The following CLDND1 variants were observed in gnomAD, a reference collection of about 807,000 sequenced individuals.
CLDND1 encodes the protein claudin domain containing 1.
A neutral mutation model predicts 26.3 loss-of-function variants in CLDND1; 13 were observed. The observed-to-expected ratio is 0.49, with a 90% CI of 0.32 to 0.78. CLDND1 has a LOEUF of 0.78. CLDND1 is among the 30% of genes least tolerant of loss of function. CLDND1 has a pLI of 0.03. For synonymous variants in CLDND1, 107 were observed against 107.0 expected (o/e 1.00, Z 0.00); for missense variants, 289 against 312.8 (o/e 0.92, Z 0.57).
Position 98,522,848 on chromosome 3 carries a change from C to A in CLDND1, c.-19+1G>T. ...CGGCGACGCAGGTCCCGCTCACTCA[C>A]CGCCCATCCTCCTGCTCCGCCAGCT... On this transcript the variant is annotated splice_donor_variant, in intron 1 of 4. Transcript: ENST00000341181. LOFTEE classifies it low-confidence loss of function (5UTR_SPLICE). The A allele has an allele frequency of 6.2e-7, 1 of 1,613,834 alleles. No individual in the cohort carries two copies. The highest frequency in any genetic ancestry group is 8.5e-7 in the Non-Finnish European group (1 of 1,179,758).
Position 98,516,011 on chromosome 3 carries a change from A to G in CLDND1, c.*648T>C. 1 of 1,163,782 alleles carries G rather than the reference A, an allele frequency of 8.6e-7. No homozygotes were observed. Among genetic ancestry groups the G allele is most frequent in the East Asian group, 6.0e-5 (1 of 16,736 alleles). The allele number at this position is 1,163,782 out of a possible 1,614,324, so 72.1% of individuals were successfully genotyped here. A position where few individuals can be genotyped will look rare whatever the true frequency, so the allele number is the denominator to read the frequency against. On this transcript the variant is annotated 3_prime_UTR_variant, in exon 5 of 5. Transcript: ENST00000341181. Reference sequence around the variant, plus strand: ...AATAATACTAATCCTCGCCCGGCTGAACTGGAATTCTTGCAGTTACAAAGT... The same window carrying G: ...AATAATACTAATCCTCGCCCGGCTGGACTGGAATTCTTGCAGTTACAAAGT...
At chr3:98,522,662 G>C (rs996111875) in intron 1 of CLDND1, 187 bp downstream of exon 1, 14 of 1,421,862 alleles carry the variant, frequency 9.8e-6, no homozygotes, top group South Asian at 9.1e-5. Flanking sequence ...AGCCGTGCTC[G>C]GCCCCGGGCC....
chr3:98,518,223 A>C (rs1440022922), intron 3 of CLDND1, among the ~76,000 whole-genome samples: 1 of 152,174 alleles, frequency 6.6e-6, no homozygotes, highest in African/African-American at 2.4e-5. Flanking sequence ...AAACTCTCCT[A>C]GTAATAAACT....
chr3:98,517,607 T>A (rs939889443), intron 3 of CLDND1, among the ~76,000 whole-genome samples: 1 of 152,214 alleles, frequency 6.6e-6, no homozygotes, highest in Non-Finnish European at 1.5e-5. Context: ...TACATAGCAT[T>A]TATATTGTAT....
rs1198254373 is a variant in CLDND1, at chr3:98,516,691, A to T, written c.730T>A (p.Tyr244Asn). ...ACACGATATGCCTTCATTAAGGTGT[A>T]CTCTTTCCGGTTGGTGTGAGCAGCC... ...IWAAHTNRKE[Y>N]TLMKAYRVA Residue 244 changes from tyrosine (Y) to asparagine (N), a missense_variant, in exon 5 of 5, where the codon TAC (tyrosine) becomes AAC (asparagine). By Grantham distance (143) the Tyr-to-Asn change is moderately radical. Coordinates refer to ENST00000341181, the MANE Select transcript of CLDND1 (RefSeq NM_001040181.2). The T allele has an allele frequency of 6.2e-7, 1 of 1,614,160 alleles. No homozygotes were observed.
intron 2 of CLDND1, among the ~76,000 whole-genome samples, chr3:98,520,442 CATAA>C (rs1706357845): frequency 6.6e-6 from 1 of 152,152 alleles, no homozygotes; most frequent in African/African-American, 2.4e-5. Context: ...CAGAAGTAGT[CATAA>C]ATAAACTGTA....
rs775948042 is a variant in CLDND1, at chr3:98,521,726, G to T, written c.-18-284C>A. The stretch of plus-strand genomic sequence containing the variant: ...ATACTAAAACAGACAACACTGAAAT[G>T]GACATACACATTACAGATACAAACA... On this transcript the variant is annotated intron_variant, in intron 1 of 4. Transcript: ENST00000341181. 5 of 1,601,688 alleles carry T rather than the reference G, an allele frequency of 3.1e-6. No homozygotes were observed. The East Asian group carries it at 8.9e-5, about 29-fold the overall frequency.
In CLDND1 at chr3:98,515,582, T is replaced by A; in HGVS notation, c.*1077A>T. ...TTTAATCTGTCAATTGCTACAGTAGTGGAATAAATAAATAAGTTTTTTAAA... is the reference window on the plus strand; with the variant it reads ...TTTAATCTGTCAATTGCTACAGTAGAGGAATAAATAAATAAGTTTTTTAAA... On this transcript the variant is annotated 3_prime_UTR_variant, in exon 5 of 5. Transcript: ENST00000341181. 2 of 1,018,534 alleles carry A rather than the reference T, an allele frequency of 2.0e-6. No homozygotes were observed. The highest frequency in any genetic ancestry group is 4.7e-5 in the South Asian group (2 of 42,174). 63.1% of individuals were successfully genotyped at this position (1,018,534 alleles called of 1,614,324 possible). A position where few individuals can be genotyped will look rare whatever the true frequency, so the allele number is the denominator to read the frequency against.
chr3:98,517,585 A>T (rs981325947), intron 3 of CLDND1, among the ~76,000 whole-genome samples: 2 of 152,256 alleles, frequency 1.3e-5, no homozygotes, highest in African/African-American at 4.8e-5. Flanking sequence ...AATATATAGT[A>T]TAACAACTAT....
In CLDND1 at chr3:98,516,039, A is replaced by G. The variant is rs1456159181; in HGVS notation, c.*620T>C. 1.7e-6 allele frequency: 2 copies of G among 1,164,414 alleles called. No homozygotes were observed. The highest frequency in any genetic ancestry group is 3.8e-5 in the Admixed American group (1 of 26,192). The allele number at this position is 1,164,414 out of a possible 1,614,324, so 72.1% of individuals were successfully genotyped here. On this transcript the variant is annotated 3_prime_UTR_variant, in exon 5 of 5. Transcript: ENST00000341181. ...TGGAATTCTTGCAGTTACAAAGTTAAAATTTCAAGTAAACACTGTATTTTT... is the reference window on the plus strand; with the variant it reads ...TGGAATTCTTGCAGTTACAAAGTTAGAATTTCAAGTAAACACTGTATTTTT...
chr3:98,517,027 A>T (rs1559653175), intron 4 of CLDND1, 25 bp downstream of exon 4: 7 of 1,613,016 alleles, frequency 4.3e-6, no homozygotes, highest in Non-Finnish European at 5.1e-6. Flanking sequence ...AGAAGCTAAA[A>T]GGTAAGTATG....
At chr3:98,522,325 G>T in intron 1 of CLDND1, 1 of 168,266 alleles carries the variant, frequency 5.9e-6, no homozygotes, top group Non-Finnish European at 1.2e-5. Context: ...AAGGCAGATC[G>T]CGCTGAGTCA....
chr3:98,517,367 A>G, intron 3 of CLDND1, 178 bp from the exon 4 acceptor site: 1 of 688,364 alleles, frequency 1.5e-6, no homozygotes, highest in Non-Finnish European at 2.4e-6. Flanking sequence ...TGTCCTGATA[A>G]AAGTAAAAGG....
chr3:98,520,961 G>A, intron 2 of CLDND1, 172 bp downstream of exon 2: 1 of 619,458 alleles, frequency 1.6e-6, no homozygotes, highest in Non-Finnish European at 2.8e-6. Flanking sequence ...GAGTACCATG[G>A]TAATGCAAAG....
intron 1 of CLDND1, 55 bp from the exon 2 acceptor site, chr3:98,521,497 G>T (rs1000514714): frequency 3.9e-6 from 6 of 1,547,986 alleles, no homozygotes; most frequent in East Asian, 4.5e-5. Context: ...AAATAAGAAA[G>T]ATTATTTTGA....
rs771325880 is a variant in CLDND1 at position 98,517,090 on chromosome 3, T to G, written c.503A>C (p.Tyr168Ser). 1.2e-6 allele frequency: 2 copies of G among 1,614,156 alleles called. No individual in the cohort carries two copies. The highest frequency in any genetic ancestry group is 1.7e-6 in the Non-Finnish European group (2 of 1,180,018). ...GLCACICRSL[Y>S]PTIATGILHL... ...GAGAATGCCCGTGGCAATGGTGGGA[T>G]ATAAGCTTCGGCAAATGCAAGCACA... The change falls in exon 4 of 5, where the codon TAT becomes TCT. Residue 168 changes from tyrosine (Y) to serine (S), a missense_variant. By Grantham distance (144) the Tyr-to-Ser change is moderately radical. Coordinates refer to ENST00000341181, the MANE Select transcript of CLDND1 (RefSeq NM_001040181.2).
At chr3:98,521,996 T>C (rs1706438540) in intron 1 of CLDND1, 1 of 380,402 alleles carries the variant, frequency 2.6e-6, no homozygotes, top group South Asian at 4.7e-5. Flanking sequence ...GAGGGAAAGG[T>C]TGTTCTAGGT....
chr3:98,520,176 T>C (rs1266740533), intron 2 of CLDND1, among the ~76,000 whole-genome samples: 1 of 152,228 alleles, frequency 6.6e-6, no homozygotes, highest in African/African-American at 2.4e-5. Flanking sequence ...CATGGAGACA[T>C]GCAATAAATT....
At chr3:98,521,046 C>T (rs1336683085) in intron 2 of CLDND1, 87 bp downstream of exon 2, 4 of 1,168,680 alleles carry the variant, frequency 3.4e-6, no homozygotes, top group Admixed American at 2.1e-5. Flanking sequence ...ACCAACAAAC[C>T]TGCTTACATG....
Sources: allele counts gnomAD v4.1 joint callset (sites outside exome capture counted in the v4.1 genomes callset), GRCh38; gene constraint gnomAD v4.1.1; transcripts MANE v1.5; gene names NCBI Gene and HGNC (gene_info 2026-07-23, HGNC 2026-07-21).